DACH1: variants seen among roughly 807,000 people sequenced by gnomAD.
DACH1 encodes dachshund family transcription factor 1, also known as dachshund homolog 1.
DACH1 carries 12 observed loss-of-function variants against 54.2 expected under a neutral mutation model. The ratio of observed to expected loss-of-function variants is 0.22; its 90% CI spans 0.14 to 0.36. The LOEUF (loss-of-function observed/expected upper bound fraction) is 0.36. Among genes scored for constraint, DACH1 ranks in the 10% least tolerant of loss-of-function variants. DACH1 has a pLI of 1.00. For missense variants in DACH1, 805 were observed against 929.8 expected (o/e 0.87, Z 1.75); for synonymous variants, 386 against 366.2 (o/e 1.05, Z -0.62).
At chr13:71,517,332 C>G (rs1404406640) in intron 6 of DACH1, among the ~76,000 whole-genome samples, 1 of 151,754 alleles carries the variant, frequency 6.6e-6, no homozygotes. Flanking sequence ...ACATTATTGA[C>G]AAAATTAACT....
chr13:71,733,369 A>G (rs955152050), intron 1 of DACH1, among the ~76,000 whole-genome samples: 3 of 152,128 alleles, frequency 2.0e-5, no homozygotes, highest in South Asian at 4.1e-4. Flanking sequence ...TTTTGTAGAG[A>G]TAAGGTCTCA....
Position 71,756,294 on chromosome 13 carries a change from T to C in DACH1, c.849-74384A>G, listed in dbSNP as rs191611473. 8.3e-4 allele frequency among the ~76,000 whole-genome samples: 126 copies of C among 152,100 alleles called. No individual in the cohort carries two copies. In the East Asian group the frequency reaches 0.02, roughly 24 times the overall value. ...TCCTGACCTCGTGATCTGCCCGCCT[T>C]GGCCTCCCAAAGTGCTGGGATTACC... On this transcript the variant is annotated intron_variant, in intron 1 of 10. Coordinates refer to ENST00000613252, the MANE Select transcript of DACH1 (RefSeq NM_080759.6).
chr13:71,659,389 A>C (rs2138647579), intron 2 of DACH1, among the ~76,000 whole-genome samples: 1 of 152,316 alleles, frequency 6.6e-6, no homozygotes, highest in East Asian at 1.9e-4. Context: ...GTTAGTGGTA[A>C]GTAATTATAC....
intron 1 of DACH1, among the ~76,000 whole-genome samples, chr13:71,865,015 T>C (rs1290204582): frequency 6.6e-6 from 1 of 152,046 alleles, no homozygotes; most frequent in Non-Finnish European, 1.5e-5. Context: ...GAAAGAGAGA[T>C]CGAGAGAGAG....
intron 1 of DACH1, among the ~76,000 whole-genome samples, chr13:71,803,774 T>C (rs1008077478): frequency 6.6e-6 from 1 of 152,194 alleles, no homozygotes; most frequent in Non-Finnish European, 1.5e-5. Context: ...CTTCTATTCC[T>C]CCCATCTATT....
chr13:71,530,027 G>T (rs1882307081), intron 6 of DACH1, among the ~76,000 whole-genome samples: 1 of 151,968 alleles, frequency 6.6e-6, no homozygotes, highest in Non-Finnish European at 1.5e-5. Context: ...TTTTTGAAAG[G>T]TCTTATCTAA....
At chr13:71,517,480 ATTTC>A (rs1329205884) in intron 6 of DACH1, among the ~76,000 whole-genome samples, 1 of 151,818 alleles carries the variant, frequency 6.6e-6, no homozygotes, top group Admixed American at 6.6e-5. Context: ...TGTGGACTTT[ATTTC>A]TTTATTTTTT....
chr13:71,644,677 T>C (rs1181991586), intron 2 of DACH1, among the ~76,000 whole-genome samples: 1 of 152,192 alleles, frequency 6.6e-6, no homozygotes, highest in African/African-American at 2.4e-5. Context: ...CCCAACCCTA[T>C]TCCACCTAGC....
intron 2 of DACH1, among the ~76,000 whole-genome samples, chr13:71,637,619 A>G (rs753722940): frequency 2.6e-5 from 4 of 152,178 alleles, no homozygotes; most frequent in Non-Finnish European, 4.4e-5. Context: ...ATCCATGGAT[A>G]TATCTTTTGG....
chr13:71,829,522 C>A (rs1888505727), intron 1 of DACH1, among the ~76,000 whole-genome samples: 1 of 151,866 alleles, frequency 6.6e-6, no homozygotes. Context: ...ATACTTATTT[C>A]CTCCTCAAAC....
chr13:71,639,136 TC>T (rs1256050057), intron 2 of DACH1, among the ~76,000 whole-genome samples: 1 of 152,184 alleles, frequency 6.6e-6, no homozygotes, highest in Non-Finnish European at 1.5e-5. Context: ...CACCCTGTTT[TC>T]CTCCTATCCT....
intron 1 of DACH1, among the ~76,000 whole-genome samples, chr13:71,865,129 G>T (rs1405948001): frequency 1.3e-5 from 2 of 152,024 alleles, no homozygotes; most frequent in East Asian, 3.9e-4. Context: ...GGTTGCCCTC[G>T]CATCTGCCCC....
rs115302664 is a variant in DACH1, at chr13:71,473,808, G to T, written c.2083+1333C>A. Among the ~76,000 whole-genome samples the T allele has an allele frequency of 5.1e-3, 772 of 152,208 alleles. 9 individuals carry two copies. Among genetic ancestry groups the T allele is most frequent in the African/African-American group, 0.018 (748 of 41,536 alleles). ...ACCACTTTGACATTATCTAATGCGT[G>T]AATAGCCCCTGCATGTACACATTGG... is the stretch of plus-strand genomic sequence containing the variant. On this transcript the variant is annotated intron_variant, in intron 10 of 10. Transcript: ENST00000613252.
At chr13:71,572,151 T>C (rs1885252840) in intron 4 of DACH1, among the ~76,000 whole-genome samples, 1 of 152,196 alleles carries the variant, frequency 6.6e-6, no homozygotes, top group Admixed American at 6.5e-5. Context: ...TTCTTACTCC[T>C]TAGCCAGACA....
intron 1 of DACH1, among the ~76,000 whole-genome samples, chr13:71,852,332 C>T (rs1217979748): frequency 6.6e-6 from 1 of 151,254 alleles, no homozygotes. Flanking sequence ...CTGAGGACCT[C>T]AAATTCAAAC....
rs1284905048 is a variant in DACH1 at position 71,685,506 on chromosome 13, T to C, written c.849-3596A>G. On this transcript the variant is annotated intron_variant, in intron 1 of 10. Coordinates refer to ENST00000613252, the MANE Select transcript of DACH1 (RefSeq NM_080759.6). ...CAGGACAACAACTATGAACCTCTCG[T>C]TGGAGTTATTCCCAACTTCTTGGCT... 5.9e-5 allele frequency among the ~76,000 whole-genome samples: 9 copies of C among 152,250 alleles called. No homozygotes were observed. The South Asian group carries it at 1.5e-3, about 25-fold the overall frequency.
chr13:71,561,946 T>C (rs374146250), intron 4 of DACH1, among the ~76,000 whole-genome samples: 1 of 151,258 alleles, frequency 6.6e-6, no homozygotes, highest in African/African-American at 2.4e-5. Context: ...TTTCCTAACA[T>C]ATATTCCATG....
chr13:71,496,363 A>G (rs1232256400), intron 6 of DACH1, among the ~76,000 whole-genome samples: 1 of 148,192 alleles, frequency 6.7e-6, no homozygotes, highest in African/African-American at 2.5e-5. Flanking sequence ...ATATATATAG[A>G]CAAAATGGAA....
At chr13:71,576,095 C>A (rs1174715737) in intron 3 of DACH1, among the ~76,000 whole-genome samples, 2 of 152,026 alleles carry the variant, frequency 1.3e-5, no homozygotes, top group African/African-American at 4.8e-5. Context: ...TATATACACA[C>A]ATAAATACCT....
Sources: allele counts gnomAD v4.1 joint callset (sites outside exome capture counted in the v4.1 genomes callset), GRCh38; gene constraint gnomAD v4.1.1; transcripts MANE v1.5; gene names NCBI Gene and HGNC (gene_info 2026-07-23, HGNC 2026-07-21).